Variants in CWH43 observed in about 807,000 individuals in gnomAD.
The protein encoded by CWH43 is PGAP2-interacting protein.
In CWH43, 91 loss-of-function variants were observed where a neutral mutation model predicts 85.7. The ratio of observed to expected loss-of-function variants is 1.06; its 90% CI spans 0.90 to 1.26. The LOEUF (loss-of-function observed/expected upper bound fraction) is 1.26, where lower values mean the gene tolerates loss of function less well. Among genes scored for constraint, CWH43 ranks in the 50% most tolerant of loss-of-function variants. CWH43 has a pLI of 0.00. For synonymous variants in CWH43, 323 were observed against 293.6 expected (o/e 1.10, Z -1.02); for missense variants, 869 against 839.2 (o/e 1.04, Z -0.44).
In CWH43 at chr4:48,986,321, C is replaced by A; in HGVS notation, c.-109C>A. On this transcript the variant is annotated 5_prime_UTR_variant, in exon 1 of 16. Transcript: ENST00000226432. ...CAACGGGACGCGGGAACGAGGGGCG[C>A]GGACGCAGGCCCGGGAGGACGCGGC... is the stretch of plus-strand genomic sequence containing the variant. 1 of 1,068,522 alleles carries A rather than the reference C, an allele frequency of 9.4e-7. No homozygotes were observed. Among genetic ancestry groups the A allele is most frequent in the South Asian group, 1.6e-5 (1 of 62,570 alleles). 66.2% of individuals were successfully genotyped at this position (1,068,522 alleles called of 1,614,324 possible). A position where few individuals can be genotyped will look rare whatever the true frequency, so the allele number is the denominator to read the frequency against.
intron 5 of CWH43, among the ~76,000 whole-genome samples, chr4:48,996,872 G>A (rs543218200): frequency 3.9e-5 from 6 of 152,278 alleles, no homozygotes; most frequent in African/African-American, 9.6e-5. Flanking sequence ...CACTGAAGAC[G>A]GAACTGCAAC....
chr4:48,986,327 C>G lies in CWH43; in HGVS notation c.-103C>G. The G allele has an allele frequency of 8.8e-7, 1 of 1,139,032 alleles. No homozygotes were observed. The highest frequency in any genetic ancestry group is 1.2e-6 in the Non-Finnish European group (1 of 815,692). 70.6% of individuals were successfully genotyped at this position (1,139,032 alleles called of 1,614,324 possible). A position where few individuals can be genotyped will look rare whatever the true frequency, so the allele number is the denominator to read the frequency against. On this transcript the variant is annotated 5_prime_UTR_variant, in exon 1 of 16. Coordinates refer to ENST00000226432, the MANE Select transcript of CWH43 (RefSeq NM_025087.3). ...GACGCGGGAACGAGGGGCGCGGACG[C>G]AGGCCCGGGAGGACGCGGCGGCGGG...
chr4:49,060,536 G>T (rs1358548777), intron 15 of CWH43, among the ~76,000 whole-genome samples: 1 of 152,128 alleles, frequency 6.6e-6, no homozygotes, highest in Non-Finnish European at 1.5e-5. Flanking sequence ...GGAGTCTGTG[G>T]CAAAGTTGGG....
intron 15 of CWH43, among the ~76,000 whole-genome samples, chr4:49,055,508 G>T (rs1784921896): frequency 1.3e-5 from 2 of 151,936 alleles, no homozygotes; most frequent in Admixed American, 6.6e-5. Flanking sequence ...GGCTAATAAT[G>T]GCCTCATAAA....
chr4:49,054,815 A>G (rs1178282226), intron 15 of CWH43, among the ~76,000 whole-genome samples: 1 of 152,054 alleles, frequency 6.6e-6, no homozygotes, highest in Admixed American at 6.6e-5. Flanking sequence ...TTGGTAGTAC[A>G]TAGAAATGCT....
intron 15 of CWH43, among the ~76,000 whole-genome samples, chr4:49,061,478 A>G (rs1785155328): frequency 6.6e-6 from 1 of 152,214 alleles, no homozygotes; most frequent in African/African-American, 2.4e-5. Context: ...AGATTTTTAT[A>G]TGCATAAATG....
chr4:49,056,071 C>T (rs189155073), intron 15 of CWH43, among the ~76,000 whole-genome samples: 12 of 113,900 alleles, frequency 1.1e-4, no homozygotes, highest in Admixed American at 7.0e-4. Context: ...CCCCCTCCCC[C>T]GACCCCACCA....
intron 14 of CWH43, among the ~76,000 whole-genome samples, chr4:49,046,637 G>A (rs1784632216): frequency 6.6e-6 from 1 of 152,068 alleles, no homozygotes; most frequent in Non-Finnish European, 1.5e-5. Context: ...AGTGGAAGGA[G>A]GGACCCCACC....
chr4:49,033,086 C>G (rs1408966285), intron 12 of CWH43, among the ~76,000 whole-genome samples: 2 of 152,176 alleles, frequency 1.3e-5, no homozygotes, highest in African/African-American at 4.8e-5. Context: ...CAACCAGGAG[C>G]AAGCACACAG....
Position 49,038,149 on chromosome 4 carries a change from A to G in CWH43, c.1772A>G (p.Tyr591Cys). Residue 591 changes from tyrosine (Y) to cysteine (C), a missense_variant, in exon 13 of 16, where the codon TAT becomes TGT. Transcript: ENST00000226432. ...ACTTCAGCACCTGGCTCCAGAGATT[A>G]TCTACAGCTCACTGAACATGGCAAT... is the stretch of plus-strand genomic sequence containing the variant. ...YITSAPGSRDYLQLTEHGNVK... is the reference protein window; with the variant it reads ...YITSAPGSRDCLQLTEHGNVK... 1 of 1,608,860 alleles carries G rather than the reference A, an allele frequency of 6.2e-7. No individual in the cohort carries two copies. The highest frequency in any genetic ancestry group is 8.5e-7 in the Non-Finnish European group (1 of 1,177,486).
At chr4:49,002,807 T>C (rs1783033908) in intron 6 of CWH43, among the ~76,000 whole-genome samples, 1 of 152,130 alleles carries the variant, frequency 6.6e-6, no homozygotes, top group Non-Finnish European at 1.5e-5. Context: ...CAATGGAATG[T>C]ATTGATGAAC....
At chr4:49,012,025 G>T (rs1783379172) in intron 8 of CWH43, among the ~76,000 whole-genome samples, 1 of 152,128 alleles carries the variant, frequency 6.6e-6, no homozygotes. Flanking sequence ...GGCTTGCCTT[G>T]CTAGGTTGGG....
At chr4:49,018,568 G>T (rs1382400723) in intron 9 of CWH43, among the ~76,000 whole-genome samples, 1 of 152,062 alleles carries the variant, frequency 6.6e-6, no homozygotes, top group Non-Finnish European at 1.5e-5. Flanking sequence ...CTTGCTATCT[G>T]CAGTTTTAAA....
chr4:48,997,576 C>T (rs1325988572), intron 5 of CWH43, among the ~76,000 whole-genome samples: 1 of 152,086 alleles, frequency 6.6e-6, no homozygotes, highest in Non-Finnish European at 1.5e-5. Context: ...TCTTCTGTAG[C>T]CCCAGGGTCA....
intron 8 of CWH43, among the ~76,000 whole-genome samples, chr4:49,008,905 G>A (rs1391750527): frequency 1.3e-5 from 2 of 152,200 alleles, no homozygotes; most frequent in Non-Finnish European, 2.9e-5. Context: ...AAGTCAGGTA[G>A]CCTGATGCCT....
At chr4:49,035,085 CAT>C (rs1437789700) in intron 12 of CWH43, among the ~76,000 whole-genome samples, 1 of 152,132 alleles carries the variant, frequency 6.6e-6, no homozygotes, top group African/African-American at 2.4e-5. Context: ...CAACAAGCGA[CAT>C]AGGAAAGTTA....
intron 13 of CWH43, among the ~76,000 whole-genome samples, chr4:49,044,164 AAT>A (rs1784550900): frequency 6.6e-6 from 1 of 152,340 alleles, no homozygotes; most frequent in South Asian, 2.1e-4. Flanking sequence ...GATAGAAAAG[AAT>A]ATGTTTCTGT....
At chr4:49,004,132 A>G (rs1560490320) in intron 7 of CWH43, 140 bp downstream of exon 7, 2 of 711,146 alleles carry the variant, frequency 2.8e-6, no homozygotes, top group Non-Finnish European at 4.4e-6. Flanking sequence ...TCTCTTGATT[A>G]AAACACAAAA....
chr4:49,036,412 G>C (rs1458596558), intron 12 of CWH43, among the ~76,000 whole-genome samples: 3 of 152,144 alleles, frequency 2.0e-5, no homozygotes, highest in Non-Finnish European at 4.4e-5. Context: ...AGTAGCAAAG[G>C]GGTTTAACAA....
Sources: gnomAD v4.1 joint callset for allele counts (sites outside exome capture counted in the v4.1 genomes callset) on GRCh38, gnomAD v4.1.1 for gene constraint, MANE v1.5 for transcripts, NCBI Gene and HGNC (gene_info 2026-07-23, HGNC 2026-07-21) for gene names.